The following ASTN1 variants were observed in gnomAD, a reference collection of about 807,000 sequenced individuals.
The protein encoded by ASTN1 is astrotactin-1.
In ASTN1, 41 loss-of-function variants were observed where a neutral mutation model predicts 140.7. The observed-to-expected ratio is 0.29, with a 90% CI of 0.23 to 0.38. ASTN1 has a LOEUF of 0.38. Ranked by LOEUF, ASTN1 falls within the 10% of genes least tolerant of loss-of-function variation. The pLI is 1.00. For missense variants in ASTN1, 1,479 were observed against 1,678.8 expected (o/e 0.88, Z 2.08); for synonymous variants, 640 against 652.2 (o/e 0.98, Z 0.29).
intron 8 of ASTN1, among the ~76,000 whole-genome samples, chr1:176,965,766 G>T (rs1331257182): frequency 6.6e-6 from 1 of 152,170 alleles, no homozygotes; most frequent in Admixed American, 6.5e-5. Flanking sequence ...TTAGGCCAAA[G>T]ACTGCAGCTC....
At chr1:177,034,883 C>A (rs138936992) in intron 2 of ASTN1, among the ~76,000 whole-genome samples, 1 of 152,170 alleles carries the variant, frequency 6.6e-6, no homozygotes, top group Admixed American at 6.5e-5. Flanking sequence ...GTAAGAGTAG[C>A]GTAAGCATCA....
chr1:177,019,039 T>A (rs1675694990), intron 7 of ASTN1, among the ~76,000 whole-genome samples: 1 of 152,162 alleles, frequency 6.6e-6, no homozygotes, highest in African/African-American at 2.4e-5. Flanking sequence ...CACATAGAAG[T>A]GAAACAATTC....
At chr1:177,070,288 T>G (rs867644828) in intron 1 of ASTN1, among the ~76,000 whole-genome samples, 3 of 152,288 alleles carry the variant, frequency 2.0e-5, no homozygotes, top group Middle Eastern at 3.4e-3. Flanking sequence ...CAGTGAGAGA[T>G]CTGTTCATTC....
At chr1:177,154,963 GT>G (rs1337060745) in intron 1 of ASTN1, among the ~76,000 whole-genome samples, 1 of 152,106 alleles carries the variant, frequency 6.6e-6, no homozygotes, top group Non-Finnish European at 1.5e-5. Context: ...CAACCAAGAT[GT>G]TTTTCAATAG....
intron 22 of ASTN1, among the ~76,000 whole-genome samples, chr1:176,867,879 C>A (rs1202635303): frequency 2.6e-5 from 4 of 152,152 alleles, no homozygotes; most frequent in Non-Finnish European, 1.5e-5. Flanking sequence ...TGAAAGAATT[C>A]TTTAAGGGAC....
chr1:176,864,578 C>T, intron 22 of ASTN1, 57 bp from the exon 23 acceptor site: 1 of 1,591,566 alleles, frequency 6.3e-7, no homozygotes, highest in African/African-American at 1.3e-5. Flanking sequence ...TCTGGATGAG[C>T]ACAGCTACTG....
intron 5 of ASTN1, among the ~76,000 whole-genome samples, chr1:177,026,266 G>A (rs1375233178): frequency 2.0e-5 from 3 of 151,948 alleles, no homozygotes; most frequent in Admixed American, 6.6e-5. Flanking sequence ...ATTTTCCTAC[G>A]CTTACAGGTT....
intron 1 of ASTN1, among the ~76,000 whole-genome samples, chr1:177,149,160 G>GCA (rs1476678054): frequency 2.1e-5 from 2 of 95,526 alleles, no homozygotes; most frequent in East Asian, 3.3e-4. Flanking sequence ...TATATATAGT[G>GCA]TATATATAGT....
In ASTN1 at chr1:176,884,290, G is replaced by C. The variant is rs779650754; in HGVS notation, c.3226+49C>G. On this transcript the variant is annotated intron_variant, in intron 19 of 22. Coordinates refer to ENST00000361833, the MANE Select transcript of ASTN1 (RefSeq NM_004319.3). ...AGGCAGGGCATTTTTCTTTGTTTTA[G>C]TTTTATCACCTTGGATCAAGACAAG... The C allele has an allele frequency of 2.5e-6, 4 of 1,578,682 alleles. No individual in the cohort carries two copies. The African/African-American group carries it at 5.4e-5, about 21-fold the overall frequency.
rs386368806 is a variant in ASTN1 at position 176,988,317 on chromosome 1, G to GAAAA, written c.1524-23084_1524-23081dup. On this transcript the variant is annotated intron_variant, in intron 8 of 22. Coordinates refer to ENST00000361833, the MANE Select transcript of ASTN1 (RefSeq NM_004319.3). Reference sequence around the variant, plus strand: ...GTAGAAATTGCAGAGGATATATTGGGAAAAAAAAAAAAAAAACCTTTCCTT... The same window carrying GAAAA: ...GTAGAAATTGCAGAGGATATATTGGGAAAAAAAAAAAAAAAAAAAACCTTTCCTT... 1.1e-4 allele frequency among the ~76,000 whole-genome samples: 15 copies of GAAAA among 139,994 alleles called. No homozygotes were observed. The East Asian group carries it at 1.4e-3, about 13-fold the overall frequency. The allele number at this position is 139,994 out of a possible 152,430, so 91.8% of individuals were successfully genotyped here. A position where few individuals can be genotyped will look rare whatever the true frequency, so the allele number is the denominator to read the frequency against.
intron 1 of ASTN1, among the ~76,000 whole-genome samples, chr1:177,137,156 GT>G (rs1471855812): frequency 6.6e-6 from 1 of 152,110 alleles, no homozygotes; most frequent in Non-Finnish European, 1.5e-5. Context: ...GTTCTAAATA[GT>G]CACAACACAA....
chr1:176,912,461 T>C (rs1393860670), intron 16 of ASTN1, among the ~76,000 whole-genome samples: 1 of 152,208 alleles, frequency 6.6e-6, no homozygotes, highest in Non-Finnish European at 1.5e-5. Flanking sequence ...ATTCTTAGCT[T>C]GAGGGCCATA....
intron 1 of ASTN1, among the ~76,000 whole-genome samples, chr1:177,072,936 C>T (rs370203465): frequency 6.6e-6 from 1 of 151,844 alleles, no homozygotes; most frequent in Non-Finnish European, 1.5e-5. Flanking sequence ...ATGTTAGTTG[C>T]GTTTTGCAAA....
At chr1:177,108,209 C>T (rs915761426) in intron 1 of ASTN1, among the ~76,000 whole-genome samples, 8 of 151,696 alleles carry the variant, frequency 5.3e-5, no homozygotes, top group Non-Finnish European at 8.8e-5. Context: ...ATTAGCTGGG[C>T]GTGGTGGTGC....
rs1222220417 is a variant in ASTN1 at position 176,864,492 on chromosome 1, C to T, written c.3677G>A (p.Gly1226Glu). Residue 1226 changes from glycine to glutamate, a missense_variant, in exon 23 of 23, where the codon GGG (glycine) becomes GAG (glutamate). Gly to Glu is a moderately conservative substitution (Grantham distance 98). Transcript: ENST00000361833. ...RKAGLILSQL[G>E]DLSSWCNGLL... ...TCCATTGCACCAACTGCTGAGGTCCCCAAGCTGGGAAAGGATGAGACCAGC... is the reference window on the plus strand; with the variant it reads ...TCCATTGCACCAACTGCTGAGGTCCTCAAGCTGGGAAAGGATGAGACCAGC... 5.0e-6 allele frequency: 8 copies of T among 1,613,952 alleles called. No individual in the cohort carries two copies. The highest frequency in any genetic ancestry group is 1.7e-5 in the Admixed American group (1 of 60,000).
At chr1:177,128,305 G>A (rs888278939) in intron 1 of ASTN1, among the ~76,000 whole-genome samples, 8 of 152,136 alleles carry the variant, frequency 5.3e-5, no homozygotes, top group African/African-American at 1.9e-4. Flanking sequence ...GCATCAGACA[G>A]ACTCTACGCC....
intron 8 of ASTN1, among the ~76,000 whole-genome samples, chr1:177,011,983 G>T (rs1413854072): frequency 2.0e-5 from 3 of 152,134 alleles, no homozygotes; most frequent in Admixed American, 1.3e-4. Flanking sequence ...CCTAGGATTT[G>T]GTTGTTCTAC....
intron 8 of ASTN1, among the ~76,000 whole-genome samples, chr1:177,004,658 C>G (rs1219438554): frequency 6.6e-6 from 1 of 151,872 alleles, no homozygotes; most frequent in Non-Finnish European, 1.5e-5. Context: ...AATAGAGAAC[C>G]CAGAAATAGA....
chr1:177,032,293 C>A lies in ASTN1; in HGVS notation c.865+163G>T, dbSNP rs528616899. 2.0e-5 allele frequency among the ~76,000 whole-genome samples: 3 copies of A among 152,258 alleles called. No homozygotes were observed. The South Asian group carries it at 6.2e-4, about 32-fold the overall frequency. On this transcript the variant is annotated intron_variant, in intron 3 of 22. Coordinates refer to ENST00000361833, the MANE Select transcript of ASTN1 (RefSeq NM_004319.3). Reference sequence around the variant, plus strand: ...TGGTTTTCTAGATTAGAAAACAGCTCCCATCATCTCAGGAAACAGGTTATT... The same window carrying A: ...TGGTTTTCTAGATTAGAAAACAGCTACCATCATCTCAGGAAACAGGTTATT...
Sources: gnomAD v4.1 joint callset for allele counts (sites outside exome capture counted in the v4.1 genomes callset) on GRCh38, gnomAD v4.1.1 for gene constraint, MANE v1.5 for transcripts, NCBI Gene and HGNC (gene_info 2026-07-23, HGNC 2026-07-21) for gene names.